DSTYK: variants seen among roughly 807,000 people sequenced by gnomAD.
DSTYK encodes the protein dual serine/threonine and tyrosine protein kinase.
DSTYK carries 34 observed loss-of-function variants against 98.7 expected under a neutral mutation model. The ratio of observed to expected loss-of-function variants is 0.34; its 90% confidence interval spans 0.26 to 0.46. DSTYK has a LOEUF of 0.46. DSTYK is among the 20% of genes least tolerant of loss of function. The pLI is 1.00. For missense variants in DSTYK, 962 were observed against 1,181.7 expected (o/e 0.81, Z 2.73); for synonymous variants, 462 against 457.3 (o/e 1.01, Z -0.13).
chr1:205,154,446 C>T (rs1657499692), intron 10 of DSTYK, among the ~76,000 whole-genome samples: 1 of 152,124 alleles, frequency 6.6e-6, no homozygotes, highest in African/African-American at 2.4e-5. Context: ...CTTGCTGCCA[C>T]CATGTGAAGA....
intron 1 of DSTYK, among the ~76,000 whole-genome samples, chr1:205,190,967 T>C (rs1024022084): frequency 6.6e-6 from 1 of 152,200 alleles, no homozygotes; most frequent in African/African-American, 2.4e-5. Context: ...TCTGCACCTC[T>C]GAAACAAAGT....
chr1:205,163,806 C>A lies in DSTYK; in HGVS notation c.1474G>T (p.Val492Phe), dbSNP rs1338551101. 3.7e-6 allele frequency: 6 copies of A among 1,613,994 alleles called. No individual in the cohort carries two copies. The highest frequency in any genetic ancestry group is 1.6e-4 in the Middle Eastern group (1 of 6,084). The part of the protein sequence containing the change: ...SSVDYLRESF[V>F]GTLERCLQSL... ...TGCAGACATCGTTCCAGGGTTCCGA[C>A]GAAGCTTTCCCTCAGGTAATCCACT... is the stretch of plus-strand genomic sequence containing the variant. The change falls in exon 4 of 13, where the codon GTC becomes TTC. Residue 492 changes from valine (V) to phenylalanine (F), a missense_variant. By Grantham distance (50) the Val-to-Phe change is conservative (BLOSUM62 -1). This residue lies in a region of DSTYK where 660 missense variants were observed against 855.0 expected (regional missense o/e 0.77). Coordinates refer to ENST00000367162, the MANE Select transcript of DSTYK (RefSeq NM_015375.3).
Position 205,187,528 on chromosome 1 carries a change from C to T in DSTYK, c.544G>A (p.Gly182Ser), listed in dbSNP as rs767151120. The change falls in exon 2 of 13, where the codon GGC (glycine) becomes AGC (serine). Residue 182 changes from glycine (G) to serine (S), a missense_variant. By Grantham distance (56) the Gly-to-Ser change is moderately conservative. This residue lies in a region of DSTYK where 660 missense variants were observed against 855.0 expected (regional missense o/e 0.77). Transcript: ENST00000367162. ...ELVHTLVAHQ[G>S]NWETIPEEDL... is the part of the protein sequence containing the mutation. ...TCCTCAGGGATGGTCTCCCAGTTGC[C>T]CTGATGAGCAACCAGCGTGTGCACT... is the stretch of plus-strand genomic sequence containing the variant. 2 of 1,614,020 alleles carry T rather than the reference C, an allele frequency of 1.2e-6. No homozygotes were observed. The highest frequency in any genetic ancestry group is 8.5e-7 in the Non-Finnish European group (1 of 1,180,032).
intron 1 of DSTYK, among the ~76,000 whole-genome samples, chr1:205,205,775 T>C (rs1659181342): frequency 6.6e-6 from 1 of 152,176 alleles, no homozygotes; most frequent in Admixed American, 6.5e-5. Flanking sequence ...AGTACACTAG[T>C]GCTTTTCCCC....
At chr1:205,199,602 G>C (rs1188495138) in intron 1 of DSTYK, among the ~76,000 whole-genome samples, 3 of 152,126 alleles carry the variant, frequency 2.0e-5, no homozygotes, top group African/African-American at 7.2e-5. Context: ...CCAAGCCTGG[G>C]AATGGCCTAT....
At chr1:205,166,369 A>G (rs1657890270) in intron 3 of DSTYK, among the ~76,000 whole-genome samples, 1 of 152,016 alleles carries the variant, frequency 6.6e-6, no homozygotes, top group African/African-American at 2.4e-5. Context: ...ATCTGGCTCA[A>G]CGCTGGGCAC....
At chr1:205,206,863 C>T (rs138073348) in intron 1 of DSTYK, among the ~76,000 whole-genome samples, 36 of 152,056 alleles carry the variant, frequency 2.4e-4, no homozygotes, top group African/African-American at 8.0e-4. Context: ...CCACCGCTCC[C>T]GGCCCAGGTC....
Position 205,211,505 on chromosome 1 carries a change from C to G in DSTYK, c.31G>C (p.Glu11Gln), listed in dbSNP as rs1659384887. 2 of 1,570,518 alleles carry G rather than the reference C, an allele frequency of 1.3e-6. No homozygotes were observed. The highest frequency in any genetic ancestry group is 3.5e-5 in the Admixed American group (2 of 57,076). ...CCGGGGCCGGGACCCGAGACGGGCT[C>G]GCTGCCCCATGGCACCCCGTCGCCC... MEGDGVPWGS[E>Q]PVSGPGPGGG... is the part of the protein sequence containing the mutation. The change falls in exon 1 of 13, where the codon GAG (glutamate) becomes CAG (glutamine). Residue 11 changes from glutamate to glutamine, a missense_variant. This residue lies in a region of DSTYK where 168 missense variants were observed against 120.0 expected (regional missense o/e 1.40). Coordinates refer to ENST00000367162, the MANE Select transcript of DSTYK (RefSeq NM_015375.3).
At position 205,148,396 on chromosome 1, in the gene DSTYK, T is replaced by C. The variant is rs1057329569; in HGVS notation, c.2468-57A>G. 1.8e-5 allele frequency: 29 copies of C among 1,602,806 alleles called. No homozygotes were observed. The African/African-American group carries it at 3.6e-4, about 20-fold the overall frequency. On this transcript the variant is annotated intron_variant, in intron 11 of 12. Transcript: ENST00000367162. ...CCACAGAGAGTCAGGCAGCAGCATC[T>C]ACACCACCTTGCCTCAGTAGAGGGT...
At chr1:205,184,069 G>A (rs1658497109) in intron 2 of DSTYK, among the ~76,000 whole-genome samples, 1 of 152,006 alleles carries the variant, frequency 6.6e-6, no homozygotes, top group Non-Finnish European at 1.5e-5. Context: ...AGCTGATTTG[G>A]TAACTCAACA....
chr1:205,159,322 C>T (rs1467801644), intron 9 of DSTYK, among the ~76,000 whole-genome samples: 3 of 152,218 alleles, frequency 2.0e-5, no homozygotes, highest in Non-Finnish European at 4.4e-5. Context: ...CTCCTGGACT[C>T]AAGTGATCCT....
At chr1:205,184,766 G>A (rs1658517147) in intron 2 of DSTYK, among the ~76,000 whole-genome samples, 2 of 152,148 alleles carry the variant, frequency 1.3e-5, no homozygotes, top group Non-Finnish European at 2.9e-5. Context: ...GACCACAGGT[G>A]TGTACACAGG....
chr1:205,155,692 A>C (rs1030775133), intron 10 of DSTYK, among the ~76,000 whole-genome samples: 16 of 152,160 alleles, frequency 1.1e-4, no homozygotes, highest in African/African-American at 3.6e-4. Flanking sequence ...GGAAAAAAAA[A>C]AGAAAACCTA....
rs1242925445 is a variant in DSTYK, at chr1:205,147,165, G to A, written c.*393C>T. 6.4e-6 allele frequency: 1 copy of A among 156,422 alleles called. No individual in the cohort carries two copies. Among genetic ancestry groups the A allele is most frequent in the African/African-American group, 2.4e-5 (1 of 41,594 alleles). 9.7% of individuals were successfully genotyped at this position (156,422 alleles called of 1,614,324 possible). On this transcript the variant is annotated 3_prime_UTR_variant, in exon 13 of 13. Coordinates refer to ENST00000367162, the MANE Select transcript of DSTYK (RefSeq NM_015375.3). Reference sequence around the variant, plus strand: ...CCTGACTAAACTATTCCTAGCTAGAGCCAAAAATCATGAGAATGAGATTTT... The same window carrying A: ...CCTGACTAAACTATTCCTAGCTAGAACCAAAAATCATGAGAATGAGATTTT...
chr1:205,146,231 ATTGTG>A lies in DSTYK; in HGVS notation c.*1322_*1326del, dbSNP rs1657229169. ...TCAAACACAAAAAGAAAAATTTCTG[ATTGTG>A]TTAAGTTTTAAAAACAAGCTGGTTT... On this transcript the variant is annotated 3_prime_UTR_variant, in exon 13 of 13. Transcript: ENST00000367162. The A allele has an allele frequency of 6.6e-6, 1 of 152,182 alleles. No homozygotes were observed. The highest frequency in any genetic ancestry group is 1.5e-5 in the Non-Finnish European group (1 of 68,034). The allele number at this position is 152,182 out of a possible 1,614,324, so 9.4% of individuals were successfully genotyped here. A position where few individuals can be genotyped will look rare whatever the true frequency, so the allele number is the denominator to read the frequency against.
intron 5 of DSTYK, 88 bp from the exon 6 acceptor site, chr1:205,162,300 C>G (rs972237238): frequency 7.4e-6 from 11 of 1,483,504 alleles, no homozygotes; most frequent in Non-Finnish European, 1.0e-5. Context: ...CTGGGTTACC[C>G]ATTCATTAAG....
chr1:205,187,940 G>C, intron 1 of DSTYK, 134 bp from the exon 2 acceptor site: 2 of 860,326 alleles, frequency 2.3e-6, no homozygotes, highest in Non-Finnish European at 3.5e-6. Flanking sequence ...TAGGAACCTT[G>C]GTTGAAGGAC....
chr1:205,207,193 C>A (rs1283926733), intron 1 of DSTYK, among the ~76,000 whole-genome samples: 1 of 151,796 alleles, frequency 6.6e-6, no homozygotes, highest in South Asian at 2.1e-4. Flanking sequence ...ATTCTCCTGC[C>A]TCAGCCTCCC....
chr1:205,201,589 A>G (rs1264837509), intron 1 of DSTYK, among the ~76,000 whole-genome samples: 1 of 152,142 alleles, frequency 6.6e-6, no homozygotes, highest in Non-Finnish European at 1.5e-5. Flanking sequence ...TAATTTCAAA[A>G]CATCATTCCA....
Sources: allele counts gnomAD v4.1 joint callset (sites outside exome capture counted in the v4.1 genomes callset), GRCh38; gene constraint gnomAD v4.1.1; regional missense constraint gnomAD v4.1.1; transcripts MANE v1.5; gene names NCBI Gene and HGNC (gene_info 2026-07-23, HGNC 2026-07-21).